The following ABCC4 variants were observed in gnomAD, a reference collection of about 807,000 sequenced individuals.
ABCC4 encodes the protein ATP binding cassette subfamily C member 4 (PEL blood group).
In ABCC4, 102 loss-of-function variants were observed where a neutral mutation model predicts 168.5. That is an observed-to-expected ratio of 0.61 (90% confidence interval 0.52 to 0.71). The LOEUF is 0.71. Among genes scored for constraint, ABCC4 ranks in the 30% least tolerant of loss-of-function variants. ABCC4 has a pLI of 0.00. For synonymous variants in ABCC4, 617 were observed against 590.7 expected, an observed-to-expected ratio of 1.04 and a Z score of -0.65; for missense variants, 1,402 against 1,605.8, an observed-to-expected ratio of 0.87 and a Z score of 2.17.
chr13:95,081,282 A>G (rs1442552940), intron 21 of ABCC4, among the ~76,000 whole-genome samples: 3 of 150,924 alleles, frequency 2.0e-5, no homozygotes, highest in Non-Finnish European at 4.4e-5. Flanking sequence ...CCACATCCAC[A>G]TGGATCGGAT....
At chr13:95,048,026 A>G (rs1364373469) in intron 27 of ABCC4, among the ~76,000 whole-genome samples, 1 of 152,194 alleles carries the variant, frequency 6.6e-6, no homozygotes, top group Non-Finnish European at 1.5e-5. Context: ...ATGAAGTCAC[A>G]AGGATACCTC....
intron 1 of ABCC4, among the ~76,000 whole-genome samples, chr13:95,275,684 A>C (rs1566591869): frequency 6.6e-6 from 1 of 150,798 alleles, no homozygotes; most frequent in Non-Finnish European, 1.5e-5. Flanking sequence ...CTCAAAATAC[A>C]GGCTGCAGTG....
chr13:95,260,474 T>C (rs1293636807), intron 1 of ABCC4, among the ~76,000 whole-genome samples: 1 of 152,024 alleles, frequency 6.6e-6, no homozygotes, highest in Non-Finnish European at 1.5e-5. Flanking sequence ...CTGGGAACCA[T>C]CTGTACGGTA....
At chr13:95,106,537 GA>G (rs199961706) in intron 20 of ABCC4, among the ~76,000 whole-genome samples, 1,673 of 147,348 alleles carry the variant, frequency 0.011, 35 homozygotes, top group African/African-American at 0.038. Context: ...AAGCAGAAGG[GA>G]AAAAAAAATA....
intron 6 of ABCC4, 51 bp downstream of exon 6, chr13:95,209,383 G>T: frequency 6.3e-7 from 1 of 1,576,530 alleles, no homozygotes; most frequent in Non-Finnish European, 8.7e-7. Flanking sequence ...TGGGAAGACT[G>T]TGGATGTTAC....
intron 30 of ABCC4, among the ~76,000 whole-genome samples, chr13:95,021,945 T>C (rs575495251): frequency 3.9e-5 from 6 of 152,214 alleles, no homozygotes; most frequent in Admixed American, 2.6e-4. Flanking sequence ...TTTATCTCTG[T>C]ATTAAATTGA....
intron 19 of ABCC4, among the ~76,000 whole-genome samples, chr13:95,121,431 G>GAT (rs1555315833): frequency 7.2e-6 from 1 of 138,518 alleles, no homozygotes; most frequent in Non-Finnish European, 1.6e-5. Context: ...GTTTTTTTTT[G>GAT]TTTTTTTTTT....
chr13:95,068,206 C>A (rs982729368), intron 25 of ABCC4, among the ~76,000 whole-genome samples: 9 of 152,198 alleles, frequency 5.9e-5, no homozygotes, highest in African/African-American at 2.2e-4. Flanking sequence ...CCTGGGGCTG[C>A]AGGCAGGTGT....
At chr13:95,131,974 G>A (rs184151393) in intron 19 of ABCC4, among the ~76,000 whole-genome samples, 8 of 152,178 alleles carry the variant, frequency 5.3e-5, no homozygotes, top group South Asian at 4.1e-4. Context: ...AAGAGACTAC[G>A]GGGGTCTAAA....
chr13:95,106,978 T>C (rs942068655), intron 20 of ABCC4, among the ~76,000 whole-genome samples: 4 of 152,142 alleles, frequency 2.6e-5, no homozygotes, highest in African/African-American at 7.2e-5. Flanking sequence ...GTATTCAGGC[T>C]GGGCGTGGTG....
chr13:95,115,487 A>C (rs1340391223), intron 20 of ABCC4, among the ~76,000 whole-genome samples: 1 of 122,940 alleles, frequency 8.1e-6, no homozygotes, highest in Non-Finnish European at 1.7e-5. Flanking sequence ...GTAAGTAACC[A>C]CACCTGGTTC....
chr13:95,205,998 G>A (rs1264350021), intron 8 of ABCC4, among the ~76,000 whole-genome samples: 3 of 152,110 alleles, frequency 2.0e-5, no homozygotes, highest in African/African-American at 7.2e-5. Context: ...AAAGCGGACA[G>A]GAAAGAAATG....
At chr13:95,081,554 A>G (rs1197680425) in intron 21 of ABCC4, among the ~76,000 whole-genome samples, 2 of 151,998 alleles carry the variant, frequency 1.3e-5, no homozygotes, top group Non-Finnish European at 2.9e-5. Context: ...TCACATGTGG[A>G]CTCCACTGCT....
chr13:95,131,726 G>A (rs2035972195), intron 19 of ABCC4, among the ~76,000 whole-genome samples: 1 of 152,120 alleles, frequency 6.6e-6, no homozygotes, highest in Non-Finnish European at 1.5e-5. Context: ...AGGATTCATT[G>A]ATTTAAGAAA....
At chr13:95,244,499 A>C (rs2040032481) in intron 3 of ABCC4, among the ~76,000 whole-genome samples, 1 of 150,910 alleles carries the variant, frequency 6.6e-6, no homozygotes, top group Non-Finnish European at 1.5e-5. Context: ...TGAGCCCAGT[A>C]GGCCAAAGCT....
chr13:95,029,017 A>G (rs2031679666), intron 30 of ABCC4, among the ~76,000 whole-genome samples: 1 of 151,742 alleles, frequency 6.6e-6, no homozygotes, highest in Admixed American at 6.6e-5. Context: ...AATACAAAAA[A>G]ATTAGCCAGG....
At chr13:95,201,723 A>G (rs993876895) in intron 8 of ABCC4, among the ~76,000 whole-genome samples, 3 of 152,236 alleles carry the variant, frequency 2.0e-5, no homozygotes, top group Non-Finnish European at 2.9e-5. Context: ...CTGTAATCCC[A>G]GCACTTTGGG....
At chr13:95,159,808 C>T (rs934505104) in intron 19 of ABCC4, among the ~76,000 whole-genome samples, 4 of 152,192 alleles carry the variant, frequency 2.6e-5, no homozygotes, top group Admixed American at 2.6e-4. Context: ...TAAATCTACA[C>T]AAGATGCTTT....
At chr13:95,145,453 T>A (rs2036459691) in intron 19 of ABCC4, among the ~76,000 whole-genome samples, 1 of 147,108 alleles carries the variant, frequency 6.8e-6, no homozygotes, top group African/African-American at 2.5e-5. Context: ...AAACCCCATC[T>A]CTACCTAAAA....
Sources: gnomAD v4.1 joint callset for allele counts (sites outside exome capture counted in the v4.1 genomes callset) on GRCh38, gnomAD v4.1.1 for gene constraint, MANE v1.5 for transcripts, NCBI Gene and HGNC (gene_info 2026-07-23, HGNC 2026-07-21) for gene names.